RARB: variants seen among roughly 807,000 people sequenced by gnomAD.
The protein encoded by RARB is retinoic acid receptor beta.
In RARB, 17 loss-of-function variants were observed where a neutral mutation model predicts 51.9. The ratio of observed to expected loss-of-function variants is 0.33; its 90% CI spans 0.22 to 0.49. RARB has a LOEUF of 0.49. Among genes scored for constraint, RARB ranks in the 20% least tolerant of loss-of-function variants. The probability of loss-of-function intolerance (pLI) is 0.99; values close to 1 mark genes in which losing one functional copy is unlikely to be tolerated. For missense variants in RARB, 369 were observed against 550.8 expected (o/e 0.67, Z 3.30); for synonymous variants, 215 against 195.4 (o/e 1.10, Z -0.84).
chr3:25,528,234 C>T (rs1174152820), intron 3 of RARB, among the ~76,000 whole-genome samples: 1 of 152,140 alleles, frequency 6.6e-6, no homozygotes, highest in Non-Finnish European at 1.5e-5. Flanking sequence ...TCGGTTAAAC[C>T]CCTGAAGGAC....
intron 3 of RARB, among the ~76,000 whole-genome samples, chr3:25,553,429 G>A (rs1225414614): frequency 6.6e-6 from 1 of 152,118 alleles, no homozygotes; most frequent in African/African-American, 2.4e-5. Context: ...CTATTTGTGA[G>A]GATCCCTTTC....
chr3:25,570,203 G>A (rs143920759), intron 4 of RARB, among the ~76,000 whole-genome samples: 97 of 152,350 alleles, frequency 6.4e-4, no homozygotes, highest in African/African-American at 2.2e-3. Flanking sequence ...CTATACGACA[G>A]GCTGTGTTCT....
rs527505043 is a variant in RARB at position 25,543,789 on chromosome 3, CA to C, written c.449-25965del. Among the ~76,000 whole-genome samples, 135 of 152,260 alleles carry C rather than the reference CA, an allele frequency of 8.9e-4. 1 individual carries two copies. Among genetic ancestry groups the C allele is most frequent in the African/African-American group, 3.1e-3 (129 of 41,536 alleles). On this transcript the variant is annotated intron_variant, in intron 3 of 7. Transcript: ENST00000330688. ...ACAGGGAGGAGCAAGATTGGAAATG[CA>C]AAAGTAACCTTCCATAGATGCACCC...
At chr3:25,310,637 G>A (rs1704265850) in intron 5 of RARB, among the ~76,000 whole-genome samples, 1 of 152,194 alleles carries the variant, frequency 6.6e-6, no homozygotes, top group Non-Finnish European at 1.5e-5. Context: ...CAGGGTTTAA[G>A]TGCTACTTTG....
intron 5 of RARB, among the ~76,000 whole-genome samples, chr3:25,303,456 T>C (rs1704087033): frequency 6.6e-6 from 1 of 152,182 alleles, no homozygotes; most frequent in African/African-American, 2.4e-5. Context: ...TTTTTTGAGC[T>C]GGTGCAAGGA....
intron 6 of RARB, among the ~76,000 whole-genome samples, chr3:25,594,011 A>T (rs1242707334): frequency 6.6e-6 from 1 of 152,194 alleles, no homozygotes; most frequent in Non-Finnish European, 1.5e-5. Context: ...CATTTGAATG[A>T]TGACAAGGGA....
intron 5 of RARB, among the ~76,000 whole-genome samples, chr3:25,398,228 C>A (rs1334979926): frequency 6.6e-6 from 1 of 152,094 alleles, no homozygotes; most frequent in African/African-American, 2.4e-5. Context: ...AAAAATGAGA[C>A]AGGCTCCTGA....
chr3:25,433,143 A>G (rs1708275475), intron 1 of RARB, among the ~76,000 whole-genome samples: 1 of 152,234 alleles, frequency 6.6e-6, no homozygotes, highest in South Asian at 2.1e-4. Context: ...AAAGATATTA[A>G]TGTAGATAGA....
intron 5 of RARB, among the ~76,000 whole-genome samples, chr3:25,193,665 C>G (rs191870828): frequency 6.6e-5 from 10 of 152,070 alleles, no homozygotes; most frequent in Admixed American, 5.9e-4. Context: ...TTGCTAGCAG[C>G]TGTTGTGATA....
At chr3:24,951,507 C>T (rs952874052) in intron 2 of RARB, among the ~76,000 whole-genome samples, 12 of 152,194 alleles carry the variant, frequency 7.9e-5, no homozygotes, top group Non-Finnish European at 1.3e-4. Context: ...TAAACGCTTG[C>T]TGAGAAGTGT....
chr3:25,308,436 T>TTTTC (rs1394968897), intron 5 of RARB, among the ~76,000 whole-genome samples: 3 of 146,796 alleles, frequency 2.0e-5, no homozygotes, highest in Non-Finnish European at 4.5e-5. Context: ...CCCTGACTGG[T>TTTTC]TTTCTTTCTT....
intron 1 of RARB, among the ~76,000 whole-genome samples, chr3:24,848,084 C>T (rs1017177578): frequency 3.3e-5 from 5 of 152,156 alleles, no homozygotes; most frequent in South Asian, 2.1e-4. Context: ...TGTTTTGAGA[C>T]GGTCTTGTTC....
chr3:25,590,098 C>G (rs909895055), intron 5 of RARB, among the ~76,000 whole-genome samples: 1 of 151,406 alleles, frequency 6.6e-6, no homozygotes, highest in Non-Finnish European at 1.5e-5. Flanking sequence ...GAGCAGTCTT[C>G]CTTCTCAGGC....
At chr3:24,830,206 G>T (rs1185976185) in intron 1 of RARB, among the ~76,000 whole-genome samples, 1 of 152,010 alleles carries the variant, frequency 6.6e-6, no homozygotes, top group Non-Finnish European at 1.5e-5. Context: ...TTGTAGAGAC[G>T]ATGGGCGGAA....
intron 5 of RARB, among the ~76,000 whole-genome samples, chr3:25,250,142 G>A (rs766359721): frequency 6.6e-6 from 1 of 152,208 alleles, no homozygotes; most frequent in Non-Finnish European, 1.5e-5. Context: ...CAGGTGGCAT[G>A]TACAGGTGGT....
chr3:25,291,476 C>CTTT (rs199605013), intron 5 of RARB, among the ~76,000 whole-genome samples: 143 of 125,356 alleles, frequency 1.1e-3, no homozygotes, highest in African/African-American at 3.9e-3. Context: ...CAGATGTTTG[C>CTTT]TTTTTTTTTT....
intron 1 of RARB, among the ~76,000 whole-genome samples, chr3:24,829,612 C>A (rs956874690): frequency 6.6e-6 from 1 of 152,220 alleles, no homozygotes. Context: ...CGCGACCGAT[C>A]CCAGGACATC....
chr3:25,073,843 T>TTA (rs1265262873), intron 3 of RARB, among the ~76,000 whole-genome samples: 2 of 152,008 alleles, frequency 1.3e-5, no homozygotes, highest in East Asian at 1.9e-4. Flanking sequence ...TTTTTTTTTT[T>TTA]ATCAACTATC....
At chr3:25,228,217 GTTTTTT>G (rs55796125) in intron 5 of RARB, among the ~76,000 whole-genome samples, 5 of 105,604 alleles carry the variant, frequency 4.7e-5, no homozygotes. Flanking sequence ...GACTTTGAGG[GTTTTTT>G]TTTTTTTTTT....
Sources: allele counts gnomAD v4.1 joint callset (sites outside exome capture counted in the v4.1 genomes callset), GRCh38; gene constraint gnomAD v4.1.1; transcripts MANE v1.5; gene names NCBI Gene and HGNC (gene_info 2026-07-23, HGNC 2026-07-21).